Variants in DNAH12 observed in about 807,000 individuals in gnomAD.
The protein encoded by DNAH12 is dynein axonemal heavy chain 12.
In DNAH12, 285 loss-of-function variants were observed where a neutral mutation model predicts 371.5. That is an observed-to-expected ratio of 0.77 (90% confidence interval 0.70 to 0.85). The LOEUF is 0.85. DNAH12 is among the 40% of genes least tolerant of loss of function. The pLI, the probability that DNAH12 is intolerant of heterozygous loss-of-function variation, is 0.00. For synonymous variants in DNAH12, 1,200 were observed against 1,213.0 expected, an observed-to-expected ratio of 0.99 and a Z score of 0.22; for missense variants, 3,611 against 3,689.4, an observed-to-expected ratio of 0.98 and a Z score of 0.55.
chr3:57,460,713 A>G (rs1410509306), intron 19 of DNAH12, among the ~76,000 whole-genome samples: 1 of 152,216 alleles, frequency 6.6e-6, no homozygotes, highest in Non-Finnish European at 1.5e-5. Flanking sequence ...AAAACAATAA[A>G]TAAATCTTCT....
In DNAH12 at chr3:57,501,376, A is replaced by G; in HGVS notation, c.1280T>C (p.Val427Ala). Residue 427 changes from valine to alanine, a missense_variant, in exon 11 of 74, where the codon GTT becomes GCT. This residue lies in a region of DNAH12 where 1,314 missense variants were observed against 1,398.7 expected (regional missense o/e 0.94). Coordinates refer to ENST00000495027, the MANE Select transcript of DNAH12 (RefSeq NM_001366028.2). ...KYNWLLDGTA[V>A]ENIETFQTED... ...TGTCTGAAAAGTCTCTATATTCTCA[A>G]CTGCAGTCCCATCAAGGAGCCAATT... 1 of 1,594,572 alleles carries G rather than the reference A, an allele frequency of 6.3e-7. No homozygotes were observed. The highest frequency in any genetic ancestry group is 8.5e-7 in the Non-Finnish European group (1 of 1,174,878).
chr3:57,555,907 G>C, the DNAH12 span, among the ~76,000 whole-genome samples: 1 of 152,356 alleles, frequency 6.6e-6, no homozygotes, highest in African/African-American at 2.4e-5. Context: ...TGCGAGTAAA[G>C]CTCGCAATCC....
chr3:57,312,835 T>C (rs1329519443), intron 66 of DNAH12, among the ~76,000 whole-genome samples: 1 of 152,244 alleles, frequency 6.6e-6, no homozygotes, highest in African/African-American at 2.4e-5. Flanking sequence ...CAAATGGACA[T>C]ATTTATTCCA....
intron 47 of DNAH12, among the ~76,000 whole-genome samples, chr3:57,386,040 T>C (rs1380639303): frequency 6.6e-6 from 1 of 152,118 alleles, no homozygotes; most frequent in Non-Finnish European, 1.5e-5. Context: ...CAAACCTCTA[T>C]TACTTACGTT....
Position 57,296,396 on chromosome 3 carries a change from C to T in DNAH12, c.11572G>A (p.Gly3858Ser), listed in dbSNP as rs762455342. The change falls in exon 72 of 74, where the codon GGT becomes AGT. Residue 3858 changes from glycine to serine, a missense_variant. Gly to Ser is a moderately conservative substitution (Grantham distance 56, BLOSUM62 0). Transcript: ENST00000495027. ...AGATACAGTCCGTGGATATAAACAC[C>T]ATCTTCTGGTGATGTGTCAGATGTA... ...SDTSDTSPEDGVYIHGLYLDG... is the reference protein window; with the variant it reads ...SDTSDTSPEDSVYIHGLYLDG... 3 of 1,550,656 alleles carry T rather than the reference C, an allele frequency of 1.9e-6. No homozygotes were observed. The highest frequency in any genetic ancestry group is 1.7e-4 in the Middle Eastern group (1 of 6,006).
intron 13 of DNAH12, among the ~76,000 whole-genome samples, chr3:57,480,420 C>T (rs1258624269): frequency 1.3e-5 from 2 of 151,776 alleles, no homozygotes; most frequent in African/African-American, 2.4e-5. Context: ...GAAATTGAGG[C>T]AATAATTAAT....
At chr3:57,313,770 G>A (rs904539513) in intron 66 of DNAH12, among the ~76,000 whole-genome samples, 1 of 152,148 alleles carries the variant, frequency 6.6e-6, no homozygotes, top group Non-Finnish European at 1.5e-5. Flanking sequence ...TTGCATCACT[G>A]CACTGTAGCC....
the DNAH12 span, among the ~76,000 whole-genome samples, chr3:57,549,816 G>GT: frequency 6.6e-6 from 1 of 151,712 alleles, no homozygotes; most frequent in African/African-American, 2.4e-5. Flanking sequence ...TAGAGACAGG[G>GT]TTTTGCCATG....
intron 62 of DNAH12, among the ~76,000 whole-genome samples, chr3:57,326,234 A>C (rs9683383): frequency 0.22 from 33,582 of 151,162 alleles, 4,233 homozygotes; most frequent in South Asian, 0.4. Context: ...CCTCGAGAAG[A>C]GCAACTCCAA....
At chr3:57,329,247 T>A (rs2062029623) in intron 62 of DNAH12, among the ~76,000 whole-genome samples, 1 of 140,414 alleles carries the variant, frequency 7.1e-6, no homozygotes, top group South Asian at 2.3e-4. Flanking sequence ...AGAGCCTGCA[T>A]TGCCAAGTCA....
At chr3:57,391,333 C>G (rs2063618324) in intron 45 of DNAH12, among the ~76,000 whole-genome samples, 1 of 152,154 alleles carries the variant, frequency 6.6e-6, no homozygotes, top group Non-Finnish European at 1.5e-5. Context: ...TGCCTTCAAG[C>G]TAAGACATTA....
chr3:57,505,894 G>A (rs756261725), intron 8 of DNAH12, among the ~76,000 whole-genome samples: 6 of 152,074 alleles, frequency 3.9e-5, no homozygotes, highest in Non-Finnish European at 5.9e-5. Context: ...ATAGGCATGA[G>A]CCACCATTCC....
At chr3:57,438,918 C>CAAAAAAAAAAAAAAAAAAAAAAAA (rs57608649) in intron 29 of DNAH12, among the ~76,000 whole-genome samples, 1 of 94,536 alleles carries the variant, frequency 1.1e-5, no homozygotes, top group African/African-American at 4.0e-5. Context: ...CTGTCTCAGA[C>CAAAAAAAAAAAAAAAAAAAAAAAA]AAAAAAAAAA....
At chr3:57,428,360 G>C in intron 34 of DNAH12, 1 of 1,289,076 alleles carries the variant, frequency 7.8e-7, no homozygotes. Context: ...TGAGTTTTTA[G>C]AGGCACATAT....
intron 40 of DNAH12, among the ~76,000 whole-genome samples, chr3:57,406,664 G>C (rs1553681359): frequency 6.6e-6 from 1 of 152,066 alleles, no homozygotes; most frequent in African/African-American, 2.4e-5. Flanking sequence ...CAAATGAAGA[G>C]GAAGATGAAA....
intron 13 of DNAH12, among the ~76,000 whole-genome samples, chr3:57,482,426 G>T (rs1174575092): frequency 1.3e-5 from 2 of 151,342 alleles, no homozygotes; most frequent in African/African-American, 2.4e-5. Context: ...GAAACAACAG[G>T]TGCTGGAGAG....
In DNAH12 at chr3:57,427,912, T is replaced by G. The variant is rs897192755; in HGVS notation, c.5253+721A>C. The stretch of plus-strand genomic sequence containing the variant: ...TGTGAGAGAATCAATTTCTGGTTTT[T>G]GGGTGTTTTTTGGTTTTGGGGTTTT... On this transcript the variant is annotated intron_variant, in intron 34 of 73. Coordinates refer to ENST00000495027, the MANE Select transcript of DNAH12 (RefSeq NM_001366028.2). Among the ~76,000 whole-genome samples the G allele has an allele frequency of 6.6e-5, 10 of 151,916 alleles. No homozygotes were observed. In the East Asian group the frequency reaches 7.7e-4, roughly 12 times the overall value.
At chr3:57,433,125 A>T (rs2065004979) in intron 32 of DNAH12, among the ~76,000 whole-genome samples, 1 of 151,012 alleles carries the variant, frequency 6.6e-6, no homozygotes, top group Admixed American at 6.6e-5. Context: ...CTAGATTACT[A>T]TGTCTTCTGG....
In DNAH12 at chr3:57,429,739, G is replaced by T. The variant is rs1475292784; in HGVS notation, c.5016C>A (p.Ser1672=). 19 of 1,528,344 alleles carry T rather than the reference G, an allele frequency of 1.2e-5. No homozygotes were observed. In the East Asian group the frequency reaches 4.3e-4, roughly 35 times the overall value. The allele number at this position is 1,528,344 out of a possible 1,614,324, so 94.7% of individuals were successfully genotyped here. The change falls in exon 33 of 74, where the codon TCC becomes TCA. Residue 1672 remains serine, a synonymous_variant. Coordinates refer to ENST00000495027, the MANE Select transcript of DNAH12 (RefSeq NM_001366028.2). ...CLMSGEIIQM[S]PQMSLIFETM... Reference sequence around the variant, plus strand: ...TTTCAAAGATGAGGCTCATTTGGGGGGACATCTGAATGATTTCTCCACTCA... The same window carrying T: ...TTTCAAAGATGAGGCTCATTTGGGGTGACATCTGAATGATTTCTCCACTCA...
Sources: allele counts gnomAD v4.1 joint callset (sites outside exome capture counted in the v4.1 genomes callset), GRCh38; gene constraint gnomAD v4.1.1; regional missense constraint gnomAD v4.1.1; transcripts MANE v1.5; gene names NCBI Gene and HGNC (gene_info 2026-07-23, HGNC 2026-07-21).